The following SRGAP2B variants were observed in gnomAD, a reference collection of about 807,000 sequenced individuals.
SRGAP2B encodes SLIT-ROBO Rho GTPase-activating protein 2B.
Under a neutral mutation model 22.2 loss-of-function variants are expected in SRGAP2B, and 9 were observed. That is an observed-to-expected ratio of 0.41 (90% CI 0.24 to 0.71). The LOEUF (loss-of-function observed/expected upper bound fraction) is 0.71, where lower values mean the gene tolerates loss of function less well. Among genes scored for constraint, SRGAP2B ranks in the 30% least tolerant of loss-of-function variants. The probability of loss-of-function intolerance (pLI) is 0.35; values close to 1 mark genes in which losing one functional copy is unlikely to be tolerated. For synonymous variants in SRGAP2B, 36 were observed against 87.4 expected (o/e 0.41, Z 3.28); for missense variants, 114 against 235.8 (o/e 0.48, Z 3.38).
At chr1:144,970,802 T>A (rs28685294) in intron 3 of SRGAP2B, among the ~76,000 whole-genome samples, 18 of 149,886 alleles carry the variant, frequency 1.2e-4, no homozygotes, top group South Asian at 2.1e-4. Flanking sequence ...AAATAAAAAA[T>A]AAATAAATAA....
chr1:144,910,231 G>T (rs1663323523), intron 5 of SRGAP2B, among the ~76,000 whole-genome samples: 1 of 149,630 alleles, frequency 6.7e-6, no homozygotes, highest in Non-Finnish European at 1.5e-5. Flanking sequence ...TTCAATTCAA[G>T]TATCTCTTCA....
rs1484883609 is a variant in SRGAP2B, at chr1:144,951,580, G to GATA, written c.423+3856_423+3858dup. The stretch of plus-strand genomic sequence containing the variant: ...TAAAATTACGGTAAGGATTAAAGGA[G>GATA]ATAATACATATAAAGTGCTTAACAC... On this transcript the variant is annotated intron_variant, in intron 4 of 9. Transcript: ENST00000612199. 5.1e-4 allele frequency among the ~76,000 whole-genome samples: 76 copies of GATA among 150,204 alleles called. 3 individuals carry two copies. Among genetic ancestry groups the GATA allele is most frequent in the Non-Finnish European group, 8.7e-4 (59 of 67,900 alleles).
At chr1:144,971,324 T>C (rs1553613220) in intron 3 of SRGAP2B, among the ~76,000 whole-genome samples, 3 of 149,348 alleles carry the variant, frequency 2.0e-5, no homozygotes, top group Non-Finnish European at 4.4e-5. Context: ...AGAGACAGGG[T>C]TTCTCCATGT....
intron 5 of SRGAP2B, among the ~76,000 whole-genome samples, chr1:144,907,076 T>C (rs1261054911): frequency 1.4e-5 from 2 of 146,420 alleles, no homozygotes; most frequent in Middle Eastern, 3.2e-3. Context: ...GTGCTGAAAG[T>C]GTGATGCCAT....
intron 2 of SRGAP2B, among the ~76,000 whole-genome samples, chr1:145,030,131 AT>A: frequency 6.7e-6 from 1 of 148,534 alleles, no homozygotes; most frequent in South Asian, 2.1e-4. Flanking sequence ...CTCTCCTACT[AT>A]CTGGTTTGTC....
At chr1:145,000,093 G>A (rs587714907) in intron 2 of SRGAP2B, among the ~76,000 whole-genome samples, 6 of 140,492 alleles carry the variant, frequency 4.3e-5, no homozygotes, top group South Asian at 2.3e-4. Flanking sequence ...CCATTTCCCC[G>A]TGTGTATGAA....
chr1:145,041,062 ATG>A (rs2102348652), intron 2 of SRGAP2B, among the ~76,000 whole-genome samples: 5 of 103,602 alleles, frequency 4.8e-5, no homozygotes, highest in African/African-American at 2.3e-4. Context: ...CATTTGTTGC[ATG>A]TATATATATA....
At chr1:144,990,852 C>G (rs1434057997) in intron 3 of SRGAP2B, among the ~76,000 whole-genome samples, 1 of 151,460 alleles carries the variant, frequency 6.6e-6, no homozygotes, top group East Asian at 1.9e-4. Flanking sequence ...CGGCGCTGTG[C>G]TCGATTTCTC....
chr1:144,998,905 G>A (rs1168731234), intron 2 of SRGAP2B, among the ~76,000 whole-genome samples: 1 of 150,998 alleles, frequency 6.6e-6, no homozygotes, highest in Non-Finnish European at 1.5e-5. Flanking sequence ...CACACAAGGG[G>A]CAGGAAACAA....
At chr1:145,056,985 A>T (rs1650462174) in intron 2 of SRGAP2B, among the ~76,000 whole-genome samples, 1 of 148,056 alleles carries the variant, frequency 6.8e-6, no homozygotes, top group African/African-American at 2.5e-5. Flanking sequence ...ACACACACAC[A>T]CACACACGCA....
In SRGAP2B at chr1:144,909,500, T is replaced by C. The variant is rs1663250151; in HGVS notation, c.487-3426A>G. Among the ~76,000 whole-genome samples the C allele has an allele frequency of 6.4e-5, 9 of 141,656 alleles. No individual in the cohort carries two copies. The South Asian group carries it at 2.1e-3, about 33-fold the overall frequency. 92.9% of individuals were successfully genotyped at this position (141,656 alleles called of 152,430 possible). A position where few individuals can be genotyped will look rare whatever the true frequency, so the allele number is the denominator to read the frequency against. On this transcript the variant is annotated intron_variant, in intron 5 of 9. Coordinates refer to ENST00000612199, the Ensembl canonical transcript of SRGAP2B. Reference sequence around the variant, plus strand: ...TACTCGGGAGGCTGAGGCAGGAGAATGGCATGAACCTGGGAGGTGGAGCTT... The same window carrying C: ...TACTCGGGAGGCTGAGGCAGGAGAACGGCATGAACCTGGGAGGTGGAGCTT...
chr1:144,952,847 C>T (rs1261034695), intron 4 of SRGAP2B, among the ~76,000 whole-genome samples: 3 of 150,614 alleles, frequency 2.0e-5, no homozygotes, highest in Non-Finnish European at 4.4e-5. Context: ...GTTATGTTGT[C>T]CAGGTTGTTC....
chr1:144,929,635 CTAAT>C (rs1287955686), intron 4 of SRGAP2B, among the ~76,000 whole-genome samples: 1 of 151,122 alleles, frequency 6.6e-6, no homozygotes. Context: ...CCTCATAGGC[CTAAT>C]TATTTATAAC....
intron 2 of SRGAP2B, among the ~76,000 whole-genome samples, chr1:145,030,735 T>A (rs1648229554): frequency 1.5e-5 from 1 of 67,162 alleles, no homozygotes; most frequent in Non-Finnish European, 3.1e-5. Flanking sequence ...TATATATATA[T>A]ATATATATAT....
intron 4 of SRGAP2B, among the ~76,000 whole-genome samples, chr1:144,931,440 C>T (rs1570769882): frequency 6.6e-6 from 1 of 150,682 alleles, no homozygotes; most frequent in Non-Finnish European, 1.5e-5. Context: ...GAAGAAAGGC[C>T]ATAAATTTTC....
chr1:145,021,771 G>T (rs1376275187), intron 2 of SRGAP2B, among the ~76,000 whole-genome samples: 1 of 146,064 alleles, frequency 6.8e-6, no homozygotes, highest in Non-Finnish European at 1.5e-5. Flanking sequence ...CCAAGGTCAC[G>T]CCATTGCACT....
At chr1:145,080,699 C>T (rs1169232862) in intron 2 of SRGAP2B, among the ~76,000 whole-genome samples, 4 of 148,534 alleles carry the variant, frequency 2.7e-5, no homozygotes, top group Non-Finnish European at 5.9e-5. Context: ...AAATTACAGG[C>T]GCCCGCCACC....
At chr1:144,996,186 C>T (rs1301671492) in intron 2 of SRGAP2B, among the ~76,000 whole-genome samples, 1 of 150,990 alleles carries the variant, frequency 6.6e-6, no homozygotes, top group Non-Finnish European at 1.5e-5. Flanking sequence ...TCATAGGAAG[C>T]AGTATGACAA....
chr1:145,015,667 T>G (rs1473896278), intron 2 of SRGAP2B, among the ~76,000 whole-genome samples: 1 of 148,312 alleles, frequency 6.7e-6, no homozygotes, highest in Non-Finnish European at 1.5e-5. Flanking sequence ...GCAGGAAAAG[T>G]ACTCCAGCCA....
Sources: gnomAD v4.1 joint callset for allele counts (sites outside exome capture counted in the v4.1 genomes callset) on GRCh38, gnomAD v4.1.1 for gene constraint, MANE v1.5 for transcripts, NCBI Gene and HGNC (gene_info 2026-07-23, HGNC 2026-07-21) for gene names.